RIMS2: variants seen among roughly 807,000 people sequenced by gnomAD.
RIMS2 encodes regulating synaptic membrane exocytosis protein 2.
Under a neutral mutation model 174.4 loss-of-function variants are expected in RIMS2, and 59 were observed. The observed-to-expected ratio is 0.34, with a 90% CI of 0.27 to 0.42. The LOEUF (loss-of-function observed/expected upper bound fraction) is 0.42. Ranked by LOEUF, RIMS2 falls within the 10% of genes least tolerant of loss-of-function variation. The pLI is 1.00. For missense variants in RIMS2, 1,620 were observed against 1,666.3 expected (o/e 0.97, Z 0.48); for synonymous variants, 606 against 572.5 (o/e 1.06, Z -0.84).
chr8:103,989,482 G>T, intron 17 of RIMS2, 61 bp downstream of exon 19: 3 of 852,964 alleles, frequency 3.5e-6, no homozygotes, highest in Non-Finnish European at 5.6e-6. Context: ...TTCAGGAAGG[G>T]GTTACCATAA....
At chr8:103,759,616 G>A (rs1442131309) in intron 2 of RIMS2, among the ~76,000 whole-genome samples, 2 of 148,022 alleles carry the variant, frequency 1.4e-5, no homozygotes, top group Non-Finnish European at 3.0e-5. Flanking sequence ...GCCAAGAAAA[G>A]GCCAGACTTG....
At chr8:103,586,707 C>T (rs908360457) in intron 1 of RIMS2, among the ~76,000 whole-genome samples, 1 of 151,684 alleles carries the variant, frequency 6.6e-6, no homozygotes, top group African/African-American at 2.4e-5. Context: ...GCACACTGAA[C>T]CCAAAATTTG....
chr8:104,154,529 T>C (rs2098709686), intron 19 of RIMS2, among the ~76,000 whole-genome samples: 1 of 152,240 alleles, frequency 6.6e-6, no homozygotes, highest in Non-Finnish European at 1.5e-5. Flanking sequence ...AAAACAATTC[T>C]TTCTGGGATT....
intron 19 of RIMS2, among the ~76,000 whole-genome samples, chr8:104,101,251 C>G (rs894233495): frequency 6.6e-6 from 1 of 151,564 alleles, no homozygotes; most frequent in Non-Finnish European, 1.5e-5. Flanking sequence ...CTCAGCCTCC[C>G]AAGTAGCTGA....
chr8:103,618,303 A>G (rs1564037050), intron 1 of RIMS2, among the ~76,000 whole-genome samples: 3 of 152,110 alleles, frequency 2.0e-5, no homozygotes, highest in Admixed American at 2.0e-4. Context: ...GGAAACAACA[A>G]ACACTAGGAT....
downstream of RIMS2, chr8:104,252,479 A>C (rs1245299757): frequency 1.3e-5 from 2 of 152,282 alleles, no homozygotes; most frequent in African/African-American, 4.8e-5. Flanking sequence ...TTTTGCATGG[A>C]CACAGATTAG....
Position 104,236,292 on chromosome 8 carries a change from T to C in RIMS2, c.3335-8624T>C, listed in dbSNP as rs9886506. ...TCTCTATGGAAAACATATATTTTTC[T>C]CTTTATAATTACTAAGCAATTTCTG... On this transcript the variant is annotated intron_variant, in intron 19 of 23. Coordinates refer to ENST00000504942, the Ensembl canonical transcript of RIMS2. Among the ~76,000 whole-genome samples the C allele has an allele frequency of 9.8e-3, 1,497 of 152,160 alleles. 20 individuals are homozygous for C. Among genetic ancestry groups the C allele is most frequent in the African/African-American group, 0.032 (1,349 of 41,538 alleles).
At chr8:104,071,416 G>A (rs2097192786) in intron 19 of RIMS2, among the ~76,000 whole-genome samples, 1 of 152,034 alleles carries the variant, frequency 6.6e-6, no homozygotes, top group African/African-American at 2.4e-5. Flanking sequence ...AAAAACTCTG[G>A]AGTTGGGGTC....
At chr8:103,744,954 G>A (rs561937912) in intron 2 of RIMS2, among the ~76,000 whole-genome samples, 1 of 152,204 alleles carries the variant, frequency 6.6e-6, no homozygotes, top group South Asian at 2.1e-4. Context: ...TTGTAGAAAA[G>A]CCTGAAATAA....
intron 2 of RIMS2, among the ~76,000 whole-genome samples, chr8:103,709,368 A>G (rs1590848400): frequency 1.8e-5 from 2 of 112,540 alleles, no homozygotes; most frequent in Admixed American, 2.0e-4. Context: ...TACTTTTTTC[A>G]TGTGTGGTAT....
chr8:103,973,465 A>G (rs74993052), intron 15 of RIMS2, among the ~76,000 whole-genome samples: 1,679 of 152,308 alleles, frequency 0.011, 41 homozygotes, highest in African/African-American at 0.038. Flanking sequence ...ATAAAATAAC[A>G]CAATTAAAAA....
At chr8:104,006,590 C>G (rs994947315) in intron 17 of RIMS2, among the ~76,000 whole-genome samples, 1 of 151,044 alleles carries the variant, frequency 6.6e-6, no homozygotes, top group Non-Finnish European at 1.5e-5. Context: ...TCTTTCTGTT[C>G]TGCTACCCCT....
At chr8:103,798,968 T>C (rs561840575) in intron 3 of RIMS2, among the ~76,000 whole-genome samples, 1 of 149,596 alleles carries the variant, frequency 6.7e-6, no homozygotes, top group Non-Finnish European at 1.5e-5. Flanking sequence ...GGAGGAGAGA[T>C]TCAAAGCAGG....
In RIMS2 at chr8:103,532,881, G is replaced by A. The variant is rs183327420; in HGVS notation, c.176+31819G>A. 4.4e-3 allele frequency among the ~76,000 whole-genome samples: 671 copies of A among 152,200 alleles called. 8 individuals are homozygous for A. The highest frequency in any genetic ancestry group is 0.015 in the African/African-American group (619 of 41,536). The stretch of plus-strand genomic sequence containing the variant: ...AACAAAAAAACAAAAAAAGAAAAAA[G>A]GGAAAATGGACTTCAAATGTGACTT... On this transcript the variant is annotated intron_variant, in intron 1 of 23. Coordinates refer to ENST00000504942, the Ensembl canonical transcript of RIMS2.
intron 19 of RIMS2, among the ~76,000 whole-genome samples, chr8:104,238,683 C>T (rs1174953474): frequency 6.6e-6 from 1 of 152,106 alleles, no homozygotes; most frequent in Admixed American, 6.6e-5. Context: ...TCAACTTTCT[C>T]ATTGCTGCAA....
intron 3 of RIMS2, among the ~76,000 whole-genome samples, chr8:103,822,692 C>T (rs2098759778): frequency 1.3e-5 from 2 of 151,756 alleles, no homozygotes; most frequent in Admixed American, 1.3e-4. Flanking sequence ...GGACGTCTAG[C>T]AAAAAGAAAA....
Position 104,221,431 on chromosome 8 carries a change from G to A in RIMS2, c.3335-23485G>A, listed in dbSNP as rs547873867. Among the ~76,000 whole-genome samples the A allele has an allele frequency of 2.0e-5, 3 of 152,142 alleles. No individual in the cohort carries two copies. The East Asian group carries it at 5.8e-4, about 29-fold the overall frequency. On this transcript the variant is annotated intron_variant, in intron 19 of 23. Transcript: ENST00000504942. ...AAAAAATTAGGTGACTTTTAATAAA[G>A]TCCTTGCAGTTTCTAAAATTCTATG... is the stretch of plus-strand genomic sequence containing the variant.
At chr8:103,972,835 C>T (rs190066647) in intron 15 of RIMS2, among the ~76,000 whole-genome samples, 2 of 152,122 alleles carry the variant, frequency 1.3e-5, no homozygotes, top group African/African-American at 4.8e-5. Context: ...TTTGATTTTC[C>T]TTTTTCTTGT....
intron 1 of RIMS2, among the ~76,000 whole-genome samples, chr8:103,573,348 G>A (rs1375709893): frequency 1.3e-5 from 2 of 152,070 alleles, no homozygotes; most frequent in Non-Finnish European, 2.9e-5. Flanking sequence ...ACAGGCATGA[G>A]CTACCACAGG....
Sources: gnomAD v4.1 joint callset for allele counts (sites outside exome capture counted in the v4.1 genomes callset) on GRCh38, gnomAD v4.1.1 for gene constraint, MANE v1.5 for transcripts, NCBI Gene and HGNC (gene_info 2026-07-23, HGNC 2026-07-21) for gene names.